The following PHF24 variants were observed in gnomAD, a reference collection of about 807,000 sequenced individuals.
The protein encoded by PHF24 is Galpha inhibitory interacting protein.
In PHF24, 25 loss-of-function variants were observed where a neutral mutation model predicts 42.6. The observed-to-expected ratio is 0.59, with a 90% CI of 0.43 to 0.82. The LOEUF (loss-of-function observed/expected upper bound fraction) is 0.82. Ranked by LOEUF, PHF24 falls within the 40% of genes least tolerant of loss-of-function variation. The probability of loss-of-function intolerance (pLI) is 0.00; values close to 1 mark genes in which losing one functional copy is unlikely to be tolerated. For missense variants in PHF24, 470 were observed against 538.1 expected, an observed-to-expected ratio of 0.87 and a Z score of 1.25; for synonymous variants, 185 against 204.8, an observed-to-expected ratio of 0.90 and a Z score of 0.83.
chr9:34,723,893 T>C, the PHF24 span: 1 of 1,551,552 alleles, frequency 6.4e-7, no homozygotes, highest in Non-Finnish European at 8.7e-7. Context: ...AAGCTGAGGG[T>C]GATGCTGGGG....
At chr9:34,971,710 T>G in intron 2 of PHF24, 34 bp downstream of exon 2, 1 of 1,566,312 alleles carries the variant, frequency 6.4e-7, no homozygotes, top group South Asian at 1.2e-5. Flanking sequence ...TCCTCAAGTC[T>G]TAGTGCATCA....
chr9:34,807,718 G>C, the PHF24 span, among the ~76,000 whole-genome samples: 1 of 152,108 alleles, frequency 6.6e-6, no homozygotes, highest in Non-Finnish European at 1.5e-5. Context: ...GATCTATATT[G>C]TCTTGATACA....
At chr9:34,792,940 C>T in the PHF24 span, among the ~76,000 whole-genome samples, 1 of 151,982 alleles carries the variant, frequency 6.6e-6, no homozygotes, top group Non-Finnish European at 1.5e-5. Context: ...AGTGAGTGGA[C>T]CACAAATTCC....
exon 7 of PHF24, chr9:34,977,560 G>A (rs1179612445): frequency 1.2e-6 from 2 of 1,608,402 alleles, no homozygotes; most frequent in Non-Finnish European, 1.7e-6. Flanking sequence ...AGCCATGTGG[G>A]TCCCATCGCA....
chr9:34,971,923 C>T (rs1420804385), intron 2 of PHF24, among the ~76,000 whole-genome samples: 1 of 152,154 alleles, frequency 6.6e-6, no homozygotes, highest in Non-Finnish European at 1.5e-5. Flanking sequence ...CCCCCTCTTC[C>T]CCGCTGCCAT....
chr9:34,888,920 T>A, the PHF24 span: 2 of 395,996 alleles, frequency 5.1e-6, no homozygotes, highest in Non-Finnish European at 8.9e-6. Flanking sequence ...AGGGTGGGGC[T>A]GGGAGGAGTC....
At chr9:34,713,530 C>T in the PHF24 span, among the ~76,000 whole-genome samples, 4 of 152,098 alleles carry the variant, frequency 2.6e-5, no homozygotes, top group African/African-American at 9.7e-5. Flanking sequence ...AGTGTCCAAT[C>T]GGGCTCCAGA....
the PHF24 span, chr9:34,832,395 G>T: frequency 1.9e-6 from 2 of 1,063,296 alleles, no homozygotes; most frequent in Non-Finnish European, 2.8e-6. Flanking sequence ...AGGTTGTCTG[G>T]AGTGTAACCG....
At chr9:34,954,379 C>T (rs374202976), upstream of PHF24, among the ~76,000 whole-genome samples, 6 of 152,260 alleles carry the variant, frequency 3.9e-5, no homozygotes, top group South Asian at 4.1e-4. Context: ...GATCAATTAG[C>T]GGCAGCCAAG....
chr9:34,890,344 G>T, the PHF24 span, among the ~76,000 whole-genome samples: 4 of 152,194 alleles, frequency 2.6e-5, no homozygotes, highest in Admixed American at 2.6e-4. Context: ...CTCTGCTGGG[G>T]TAGGGACTTG....
the PHF24 span, among the ~76,000 whole-genome samples, chr9:34,863,319 CA>C: frequency 6.6e-6 from 1 of 151,974 alleles, no homozygotes; most frequent in East Asian, 1.9e-4. Flanking sequence ...GAGCTTTGGG[CA>C]AGACCCAGTG....
At chr9:34,960,181 G>A (rs1283053514) in intron 1 of PHF24, among the ~76,000 whole-genome samples, 1 of 152,222 alleles carries the variant, frequency 6.6e-6, no homozygotes, top group African/African-American at 2.4e-5. Flanking sequence ...ACGGAGTGGT[G>A]AGAGGGCCAA....
rs1190574151 is a variant in PHF24, at chr9:34,965,760, T to C, written c.-4-5535T>C. Among the ~76,000 whole-genome samples, 3 of 152,258 alleles carry C rather than the reference T, an allele frequency of 2.0e-5. No homozygotes were observed. In the East Asian group the frequency reaches 5.8e-4, roughly 29 times the overall value. ...TTCTCTGTTAATGAGTAAGTTCATT[T>C]ATAGAGTAACTTCCTAACTGGCTGG... On this transcript the variant is annotated intron_variant, in intron 1 of 7. Coordinates refer to ENST00000242315, the Ensembl canonical transcript of PHF24.
the PHF24 span, among the ~76,000 whole-genome samples, chr9:34,758,198 G>A: frequency 1.3e-5 from 2 of 152,148 alleles, no homozygotes; most frequent in African/African-American, 4.8e-5. The surrounding 1 kb of genome is among the most constrained non-coding windows in gnomAD (Gnocchi z 4.4). Flanking sequence ...TAGCCCTGCA[G>A]GGATGTTTCT....
At chr9:34,711,869 T>A in the PHF24 span, among the ~76,000 whole-genome samples, 1 of 152,176 alleles carries the variant, frequency 6.6e-6, no homozygotes, top group East Asian at 1.9e-4. Context: ...TTATCAGAGA[T>A]CTTTGTTTCT....
chr9:34,961,691 C>T (rs1826593782), intron 1 of PHF24, among the ~76,000 whole-genome samples: 1 of 152,252 alleles, frequency 6.6e-6, no homozygotes, highest in East Asian at 1.9e-4. Flanking sequence ...CCTCCTCTGG[C>T]AGCCACATTC....
At chr9:34,853,999 G>T in the PHF24 span, among the ~76,000 whole-genome samples, 154 of 152,070 alleles carry the variant, frequency 1.0e-3, 1 homozygote, top group African/African-American at 3.7e-3. Flanking sequence ...TCCTAATTTA[G>T]TCTTGGGAGG....
At chr9:34,683,804 C>CT in the PHF24 span, among the ~76,000 whole-genome samples, 4 of 152,194 alleles carry the variant, frequency 2.6e-5, no homozygotes, top group African/African-American at 9.6e-5. Context: ...GTCCTGTGGA[C>CT]TTTTTTTTCC....
At chr9:34,954,418 A>C (rs948763886), upstream of PHF24, among the ~76,000 whole-genome samples, 15 of 152,220 alleles carry the variant, frequency 9.9e-5, no homozygotes, top group South Asian at 2.1e-4. Flanking sequence ...TGAGAAGGCC[A>C]CTGGGGCTTT....
Sources: gnomAD v4.1 joint callset for allele counts (sites outside exome capture counted in the v4.1 genomes callset) on GRCh38, gnomAD v4.1.1 for gene constraint, Gnocchi (gnomAD v3.1) non-coding constraint, MANE v1.5 for transcripts, NCBI Gene and HGNC (gene_info 2026-07-23, HGNC 2026-07-21) for gene names.